Variants in GREM2 observed in about 807,000 individuals in gnomAD.
The protein encoded by GREM2 is gremlin 2, DAN family BMP antagonist.
In GREM2, 11 loss-of-function variants were observed where a neutral mutation model predicts 14.2. That is an observed-to-expected ratio of 0.78 (90% CI 0.49 to 1.28). GREM2 has a LOEUF of 1.28. Among genes scored for constraint, GREM2 ranks in the 50% most tolerant of loss-of-function variants. The probability of loss-of-function intolerance (pLI) is 0.00; values close to 1 mark genes in which losing one functional copy is unlikely to be tolerated. For missense variants in GREM2, 210 were observed against 218.5 expected, an observed-to-expected ratio of 0.96 and a Z score of 0.24; for synonymous variants, 98 against 97.6, an observed-to-expected ratio of 1.00 and a Z score of -0.02.
rs554011665 is a variant in GREM2 at position 240,601,821 on chromosome 1, C to T, written c.-2+10063G>A. On this transcript the variant is annotated intron_variant, in intron 1 of 1. Transcript: ENST00000318160. ...ACTCTGGAGGCTGAGGCAGGAGAAT[C>T]GCTTGAACCCGGGAGGCGGAGGTTG... 6.4e-4 allele frequency among the ~76,000 whole-genome samples: 97 copies of T among 150,926 alleles called. 1 individual carries two copies. The highest frequency in any genetic ancestry group is 2.3e-3 in the African/African-American group (93 of 41,092).
At chr1:240,544,034 A>C (rs1276333819) in intron 1 of GREM2, among the ~76,000 whole-genome samples, 1 of 152,150 alleles carries the variant, frequency 6.6e-6, no homozygotes, top group Non-Finnish European at 1.5e-5. Flanking sequence ...CTCAAGTACT[A>C]CCTTGAATCC....
intron 1 of GREM2, among the ~76,000 whole-genome samples, chr1:240,536,989 A>G (rs1208368192): frequency 6.6e-6 from 1 of 152,222 alleles, no homozygotes; most frequent in Admixed American, 6.5e-5. Flanking sequence ...CATACTAAAG[A>G]AGATAAACTG....
intron 1 of GREM2, among the ~76,000 whole-genome samples, chr1:240,514,519 G>A (rs1448247397): frequency 6.6e-6 from 1 of 152,122 alleles, no homozygotes; most frequent in East Asian, 1.9e-4. Flanking sequence ...TTAGGGATAC[G>A]GATGAACATA....
In GREM2 at chr1:240,492,935, C is replaced by A. The variant is rs1445072004; in HGVS notation, c.*34G>T. 8 of 1,406,450 alleles carry A rather than the reference C, an allele frequency of 5.7e-6. No individual in the cohort carries two copies. Among genetic ancestry groups the A allele is most frequent in the East Asian group, 2.6e-5 (1 of 37,964 alleles). The allele number at this position is 1,406,450 out of a possible 1,614,324, so 87.1% of individuals were successfully genotyped here. A position where few individuals can be genotyped will look rare whatever the true frequency, so the allele number is the denominator to read the frequency against. On this transcript the variant is annotated 3_prime_UTR_variant, in exon 2 of 2. Transcript: ENST00000318160. ...GCGGCGGCGCCACCCAGCGGCCGGG[C>A]GCGCGCGGGGCTGAGCTGCGTCCGG...
At chr1:240,524,133 C>T (rs963496704) in intron 1 of GREM2, among the ~76,000 whole-genome samples, 3 of 152,230 alleles carry the variant, frequency 2.0e-5, no homozygotes, top group Non-Finnish European at 4.4e-5. Flanking sequence ...CCTTCCGCCT[C>T]AGCATCCCAA....
At chr1:240,537,657 T>C (rs549969009) in intron 1 of GREM2, among the ~76,000 whole-genome samples, 180 of 152,148 alleles carry the variant, frequency 1.2e-3, no homozygotes, top group Non-Finnish European at 2.4e-3. Context: ...TGGTGGCGCG[T>C]GCCTGTAATC....
intron 1 of GREM2, chr1:240,531,623 T>C (rs1678361405): frequency 1.0e-6 from 1 of 984,552 alleles, no homozygotes; most frequent in South Asian, 4.7e-5. Flanking sequence ...AGGCCACTGC[T>C]CTGCCCATTA....
chr1:240,562,410 A>C (rs1204168046), intron 1 of GREM2, among the ~76,000 whole-genome samples: 1 of 152,178 alleles, frequency 6.6e-6, no homozygotes, highest in Non-Finnish European at 1.5e-5. Flanking sequence ...TGTGAACTTT[A>C]CTAGCAGTCC....
At chr1:240,521,025 G>A (rs1678072825) in intron 1 of GREM2, among the ~76,000 whole-genome samples, 1 of 151,938 alleles carries the variant, frequency 6.6e-6, no homozygotes, top group African/African-American at 2.4e-5. Flanking sequence ...TGGAAAAGCA[G>A]GACAACATAA....
At position 240,529,274 on chromosome 1, in the gene GREM2, G is replaced by T. The variant is rs200057263; in HGVS notation, c.-1-35798C>A. On this transcript the variant is annotated intron_variant, in intron 1 of 1. Transcript: ENST00000318160. Reference sequence around the variant, plus strand: ...TTTTTTTTTAGCTGCCTATGATTATGTTTTTTTTTTCTTATAAAGTTTGTT... The same window carrying T: ...TTTTTTTTTAGCTGCCTATGATTATTTTTTTTTTTTCTTATAAAGTTTGTT... Among the ~76,000 whole-genome samples the T allele has an allele frequency of 1.4e-3, 79 of 56,416 alleles. 1 individual carries two copies. In the East Asian group the frequency reaches 0.031, roughly 22 times the overall value. The allele number at this position is 56,416 out of a possible 152,430, so 37.0% of individuals were successfully genotyped here.
chr1:240,611,172 T>C (rs561111341), intron 1 of GREM2, among the ~76,000 whole-genome samples: 1 of 151,902 alleles, frequency 6.6e-6, no homozygotes, highest in East Asian at 1.9e-4. Flanking sequence ...TACTAGATAG[T>C]TCCAATTCAT....
At chr1:240,572,107 C>T (rs1241927965) in intron 1 of GREM2, among the ~76,000 whole-genome samples, 2 of 152,206 alleles carry the variant, frequency 1.3e-5, no homozygotes, top group Non-Finnish European at 2.9e-5. Context: ...ATCTTCTTCC[C>T]TTTCTCTTGT....
intron 1 of GREM2, among the ~76,000 whole-genome samples, chr1:240,520,470 C>A (rs1313303155): frequency 6.6e-6 from 1 of 152,216 alleles, no homozygotes; most frequent in Non-Finnish European, 1.5e-5. Flanking sequence ...AGGAACAAGA[C>A]TGAAATAGAT....
intron 1 of GREM2, among the ~76,000 whole-genome samples, chr1:240,520,093 A>AAAATAAAATAAAATAAAAT (rs1678048738): frequency 2.0e-5 from 3 of 151,710 alleles, no homozygotes; most frequent in Non-Finnish European, 4.4e-5. Flanking sequence ...AAAATAAAAT[A>AAAATAAAATAAAATAAAAT]AAATAAAATA....
chr1:240,601,481 C>T (rs955314776), intron 1 of GREM2, among the ~76,000 whole-genome samples: 4 of 152,182 alleles, frequency 2.6e-5, no homozygotes, highest in Non-Finnish European at 5.9e-5. Flanking sequence ...AGTCTGAATG[C>T]TTATTTAGCC....
At chr1:240,551,626 G>A (rs1678855117) in intron 1 of GREM2, among the ~76,000 whole-genome samples, 1 of 148,482 alleles carries the variant, frequency 6.7e-6, no homozygotes, top group Admixed American at 6.8e-5. Flanking sequence ...CACCATGCCT[G>A]GTCTAGTTTA....
chr1:240,574,461 T>G (rs1679321621), intron 1 of GREM2, among the ~76,000 whole-genome samples: 1 of 152,094 alleles, frequency 6.6e-6, no homozygotes, highest in Non-Finnish European at 1.5e-5. Context: ...TGGGTGTAGG[T>G]CGTAGAAGAG....
At chr1:240,566,841 A>AAAAAC (rs1283339089) in intron 1 of GREM2, among the ~76,000 whole-genome samples, 1 of 152,144 alleles carries the variant, frequency 6.6e-6, no homozygotes. Context: ...ACAAACAAAT[A>AAAAAC]AAAACAAAAC....
chr1:240,532,687 A>G lies in GREM2; in HGVS notation c.-1-39211T>C, dbSNP rs542833364. 3.8e-3 allele frequency among the ~76,000 whole-genome samples: 296 copies of G among 78,148 alleles called. 3 individuals carry two copies. The highest frequency in any genetic ancestry group is 0.014 in the East Asian group (58 of 4,036). 51.3% of individuals were successfully genotyped at this position (78,148 alleles called of 152,430 possible). On this transcript the variant is annotated intron_variant, in intron 1 of 1. Coordinates refer to ENST00000318160, the MANE Select transcript of GREM2 (RefSeq NM_022469.4). The stretch of plus-strand genomic sequence containing the variant: ...TAGATAGATAGATAGATAGATAGAT[A>G]TATGGCAAGAACCACCTCAGGTAAG...
Sources: gnomAD v4.1 joint callset for allele counts (sites outside exome capture counted in the v4.1 genomes callset) on GRCh38, gnomAD v4.1.1 for gene constraint, MANE v1.5 for transcripts, NCBI Gene and HGNC (gene_info 2026-07-23, HGNC 2026-07-21) for gene names.